The following MOB3A variants were observed in gnomAD, a reference collection of about 807,000 sequenced individuals.
MOB3A encodes the protein MOB LAK.
MOB3A carries 17 observed loss-of-function variants against 17.8 expected under a neutral mutation model. The ratio of observed to expected loss-of-function variants is 0.95; its 90% CI spans 0.65 to 1.43. MOB3A has a LOEUF of 1.43. Among genes scored for constraint, MOB3A ranks in the 40% most tolerant of loss-of-function variants. The pLI is 0.00. For missense variants in MOB3A, 333 were observed against 310.8 expected, an observed-to-expected ratio of 1.07 and a Z score of -0.54; for synonymous variants, 124 against 133.2, an observed-to-expected ratio of 0.93 and a Z score of 0.48.
chr19:2,088,742 A>G (rs1272812310), intron 1 of MOB3A, among the ~76,000 whole-genome samples: 1 of 152,146 alleles, frequency 6.6e-6, no homozygotes, highest in African/African-American at 2.4e-5. Flanking sequence ...TGCTGGGATT[A>G]CAGGCATGAG....
chr19:2,073,641 C>A (rs2017368303), intron 4 of MOB3A, among the ~76,000 whole-genome samples: 1 of 152,128 alleles, frequency 6.6e-6, no homozygotes, highest in Non-Finnish European at 1.5e-5. Flanking sequence ...GATCTGTGGG[C>A]CAGACGGTCC....
chr19:2,091,923 G>T (rs2017618098), intron 1 of MOB3A, among the ~76,000 whole-genome samples: 1 of 150,398 alleles, frequency 6.6e-6, no homozygotes. Flanking sequence ...CTTGAACCTG[G>T]GAGGCGGAGG....
chr19:2,079,387 GGAA>G (rs1184582728), intron 2 of MOB3A, among the ~76,000 whole-genome samples: 1 of 152,238 alleles, frequency 6.6e-6, no homozygotes, highest in African/African-American at 2.4e-5. Context: ...CAGCCTAGGT[GGAA>G]GAAGGTCTCA....
chr19:2,077,717 CA>C (rs2017430132), intron 3 of MOB3A, among the ~76,000 whole-genome samples: 2 of 151,954 alleles, frequency 1.3e-5, no homozygotes, highest in Admixed American at 6.6e-5. Flanking sequence ...CAGGAGTCAC[CA>C]GGAGTGATTC....
chr19:2,081,832 C>T (rs1426379100), intron 2 of MOB3A, among the ~76,000 whole-genome samples: 1 of 152,262 alleles, frequency 6.6e-6, no homozygotes, highest in Admixed American at 6.5e-5. Flanking sequence ...TGCAGTGAGC[C>T]AAGGTCGGGC....
chr19:2,083,193 CA>C (rs1386871557), intron 2 of MOB3A, among the ~76,000 whole-genome samples: 1 of 152,210 alleles, frequency 6.6e-6, no homozygotes, highest in Non-Finnish European at 1.5e-5. Context: ...AGCCCAGCCT[CA>C]GACCCTCCCT....
intron 1 of MOB3A, chr19:2,095,438 T>G (rs2017670641): frequency 6.6e-6 from 1 of 152,366 alleles, no homozygotes; most frequent in African/African-American, 2.4e-5. Flanking sequence ...GCCAGCGACT[T>G]TGGGGACCCC....
In MOB3A at chr19:2,078,631, C is replaced by A. The variant is rs1391435925; in HGVS notation, c.-71G>T. 19 of 1,455,046 alleles carry A rather than the reference C, an allele frequency of 1.3e-5. No homozygotes were observed. The highest frequency in any genetic ancestry group is 2.3e-5 in the East Asian group (1 of 43,310). The allele number at this position is 1,455,046 out of a possible 1,614,324, so 90.1% of individuals were successfully genotyped here. Reference sequence around the variant, plus strand: ...CCAGCTGGCTGGGGGTGCTGACCAACCCGAGAGGCCACGAAACACTCACCA... The same window carrying A: ...CCAGCTGGCTGGGGGTGCTGACCAAACCGAGAGGCCACGAAACACTCACCA... On this transcript the variant is annotated 5_prime_UTR_variant, in exon 3 of 5. Transcript: ENST00000357066.
chr19:2,078,042 C>A, intron 3 of MOB3A, 98 bp downstream of exon 3: 1 of 1,294,080 alleles, frequency 7.7e-7, no homozygotes. Context: ...GCTCGGCCTC[C>A]CAAAGCGCTG....
In MOB3A at chr19:2,082,330, T is replaced by C. The variant is rs2017499459; in HGVS notation, c.-120+2845A>G. Among the ~76,000 whole-genome samples, 1 of 152,244 alleles carries C rather than the reference T, an allele frequency of 6.6e-6. No homozygotes were observed. Among genetic ancestry groups the C allele is most frequent in the Admixed American group, 6.5e-5 (1 of 15,278 alleles). Reference sequence around the variant, plus strand: ...ACTGCAAGGTGCTGAGCGGCATCCCTGGCCGCCGCCCCTCCCTGCCAGGAG... The same window carrying C: ...ACTGCAAGGTGCTGAGCGGCATCCCCGGCCGCCGCCCCTCCCTGCCAGGAG... On this transcript the variant is annotated intron_variant, in intron 2 of 4. Transcript: ENST00000357066. The surrounding 1 kb of genome is among the most constrained non-coding windows in gnomAD (Gnocchi z 4.1).
In MOB3A at chr19:2,071,089, C is replaced by G. The variant is rs975159646; in HGVS notation, c.*2306G>C. ...CCGTATCTGGCTGGGGGAGGGTGGT[C>G]TCCGAGGTGGATGGAGTGAGGGTGG... On this transcript the variant is annotated 3_prime_UTR_variant, in exon 5 of 5. Transcript: ENST00000357066. 6.6e-6 allele frequency: 1 copy of G among 152,068 alleles called. No homozygotes were observed. Among genetic ancestry groups the G allele is most frequent in the African/African-American group, 2.4e-5 (1 of 41,388 alleles). 9.4% of individuals were successfully genotyped at this position (152,068 alleles called of 1,614,324 possible).
At chr19:2,083,791 G>A (rs1343385939) in intron 2 of MOB3A, among the ~76,000 whole-genome samples, 1 of 152,242 alleles carries the variant, frequency 6.6e-6, no homozygotes. Flanking sequence ...TGGGGGCTTA[G>A]CTTCCAACCG....
At position 2,082,584 on chromosome 19, in the gene MOB3A, C is replaced by T. The variant is rs545674086; in HGVS notation, c.-120+2591G>A. On this transcript the variant is annotated intron_variant, in intron 2 of 4. Coordinates refer to ENST00000357066, the MANE Select transcript of MOB3A (RefSeq NM_130807.3). The surrounding 1 kb of genome is among the most constrained non-coding windows in gnomAD (Gnocchi z 4.1). ...CTGGACTCTGTGGGTGAAGCCACCG[C>T]TCTTTCTGCCCCACAACTCCCTAAA... 2.6e-5 allele frequency among the ~76,000 whole-genome samples: 4 copies of T among 152,304 alleles called. No homozygotes were observed. Among genetic ancestry groups the T allele is most frequent in the African/African-American group, 4.8e-5 (2 of 41,566 alleles).
chr19:2,089,117 C>T (rs1188354355), intron 1 of MOB3A, among the ~76,000 whole-genome samples: 1 of 152,196 alleles, frequency 6.6e-6, no homozygotes, highest in Non-Finnish European at 1.5e-5. Flanking sequence ...AAAGCGAATG[C>T]TCTCATTCCT....
rs920329728 is a variant in MOB3A at position 2,093,291 on chromosome 19, G to A, written c.-274+2935C>T. 1.3e-5 allele frequency among the ~76,000 whole-genome samples: 2 copies of A among 152,100 alleles called. No individual in the cohort carries two copies. Among genetic ancestry groups the A allele is most frequent in the Admixed American group, 1.3e-4 (2 of 15,266 alleles). On this transcript the variant is annotated intron_variant, in intron 1 of 4. Coordinates refer to ENST00000357066, the MANE Select transcript of MOB3A (RefSeq NM_130807.3). The surrounding 1 kb of genome is among the most constrained non-coding windows in gnomAD (Gnocchi z 4.6). ...TCCTGCCTCAGCCTCCTGAGTAGCTGGGACTACAGGCACGCGCCAGCATGC... is the reference window on the plus strand; with the variant it reads ...TCCTGCCTCAGCCTCCTGAGTAGCTAGGACTACAGGCACGCGCCAGCATGC...
rs573042772 is a variant in MOB3A at position 2,071,410 on chromosome 19, T to C, written c.*1985A>G. 2 of 152,384 alleles carry C rather than the reference T, an allele frequency of 1.3e-5. No individual in the cohort carries two copies. The highest frequency in any genetic ancestry group is 6.5e-5 in the Admixed American group (1 of 15,294). 9.4% of individuals were successfully genotyped at this position (152,384 alleles called of 1,614,324 possible). A position where few individuals can be genotyped will look rare whatever the true frequency, so the allele number is the denominator to read the frequency against. On this transcript the variant is annotated 3_prime_UTR_variant, in exon 5 of 5. Transcript: ENST00000357066. ...GGCTTCGGCAGTAACAGTGTGTTAA[T>C]TGCACTTGTTCGATTTTCTGGCAGA...
Position 2,076,957 on chromosome 19 carries a change from A to C in MOB3A, c.478T>G (p.Phe160Val), listed in dbSNP as rs1417421473. The C allele has an allele frequency of 3.1e-6, 5 of 1,613,720 alleles. No individual in the cohort carries two copies. The highest frequency in any genetic ancestry group is 2.7e-5 in the African/African-American group (2 of 74,932). ...ATGTAGACGTGCACGAACACGCGGA[A>C]CAGCCGCGACAGGATCTTCCGCACC... ...QTVRKILSRL[F>V]RVFVHVYIHH... The change falls in exon 4 of 5, where the codon TTC becomes GTC. Residue 160 changes from phenylalanine to valine, a missense_variant. Coordinates refer to ENST00000357066, the MANE Select transcript of MOB3A (RefSeq NM_130807.3).
rs927233752 is a variant in MOB3A at position 2,078,384 on chromosome 19, G to C, written c.177C>G (p.Asp59Glu). 8.7e-6 allele frequency: 14 copies of C among 1,614,106 alleles called. No individual in the cohort carries two copies. The highest frequency in any genetic ancestry group is 1.2e-5 in the Non-Finnish European group (14 of 1,180,052). ...AGTCCACCACGTGAACAGCCACCCA[G>C]TCGTTCAGGTCCTCGCCCGGGGGCA... Reference protein sequence around the residue: ...VQLPPGEDLNDWVAVHVVDFF... With the variant: ...VQLPPGEDLNEWVAVHVVDFF... The change falls in exon 3 of 5, where the codon GAC (aspartate) becomes GAG (glutamate). Residue 59 changes from aspartate to glutamate, a missense_variant. Transcript: ENST00000357066.
At chr19:2,074,205 A>G (rs2017375172) in intron 4 of MOB3A, among the ~76,000 whole-genome samples, 1 of 152,136 alleles carries the variant, frequency 6.6e-6, no homozygotes, top group Admixed American at 6.6e-5. Context: ...GAGGGAGGGG[A>G]ATCACTTGAA....
Sources: allele counts gnomAD v4.1 joint callset (sites outside exome capture counted in the v4.1 genomes callset), GRCh38; gene constraint gnomAD v4.1.1; non-coding constraint Gnocchi (gnomAD v3.1); transcripts MANE v1.5; gene names NCBI Gene and HGNC (gene_info 2026-07-23, HGNC 2026-07-21).